Variants in GRM7 observed in about 807,000 individuals in gnomAD.
The protein encoded by GRM7 is glutamate metabotropic receptor 7, also known as metabotropic glutamate receptor 7.
In GRM7, 35 loss-of-function variants were observed where a neutral mutation model predicts 84.5. The ratio of observed to expected loss-of-function variants is 0.41; its 90% CI spans 0.32 to 0.55. The LOEUF (loss-of-function observed/expected upper bound fraction) is 0.55. GRM7 is among the 20% of genes least tolerant of loss of function. GRM7 has a pLI of 0.19. For missense variants in GRM7, 1,003 were observed against 1,194.6 expected, an observed-to-expected ratio of 0.84 and a Z score of 2.36; for synonymous variants, 487 against 455.1, an observed-to-expected ratio of 1.07 and a Z score of -0.89.
At chr3:7,624,669 T>G (rs945102248) in intron 8 of GRM7, among the ~76,000 whole-genome samples, 1 of 152,132 alleles carries the variant, frequency 6.6e-6, no homozygotes, top group African/African-American at 2.4e-5. Context: ...TTATGAAAAT[T>G]TAATAATATA....
At chr3:6,943,523 A>T (rs1009399049) in intron 1 of GRM7, among the ~76,000 whole-genome samples, 1 of 152,174 alleles carries the variant, frequency 6.6e-6, no homozygotes, top group East Asian at 1.9e-4. Context: ...AGGTCAATTT[A>T]TAGATTCTAT....
chr3:7,686,326 A>G (rs748167268), intron 9 of GRM7: 3 of 866,402 alleles, frequency 3.5e-6, no homozygotes, highest in African/African-American at 3.3e-5. Context: ...CATTTATTTT[A>G]TACATACCTA....
At chr3:7,717,563 C>T (rs939093157) in intron 9 of GRM7, among the ~76,000 whole-genome samples, 8 of 152,130 alleles carry the variant, frequency 5.3e-5, no homozygotes, top group Non-Finnish European at 8.8e-5. Context: ...ACCAGCTAAA[C>T]GGAAACCTGG....
chr3:7,139,809 A>G (rs934282045), intron 1 of GRM7, among the ~76,000 whole-genome samples: 5 of 152,160 alleles, frequency 3.3e-5, no homozygotes, highest in Admixed American at 3.3e-4. Flanking sequence ...AAAAGCAAAA[A>G]TAAATAAATG....
At chr3:7,307,418 A>T (rs1235245892) in intron 4 of GRM7, among the ~76,000 whole-genome samples, 1 of 152,214 alleles carries the variant, frequency 6.6e-6, no homozygotes, top group African/African-American at 2.4e-5. Flanking sequence ...CATGTCTCCA[A>T]AGATTCTCTA....
Position 6,862,656 on chromosome 3 carries a change from A to G in GRM7, c.519+749A>G, listed in dbSNP as rs942462701. 4 of 232,138 alleles carry G rather than the reference A, an allele frequency of 1.7e-5. No individual in the cohort carries two copies. In the Admixed American group the frequency reaches 2.3e-4, roughly 13 times the overall value. 14.4% of individuals were successfully genotyped at this position (232,138 alleles called of 1,614,324 possible). A position where few individuals can be genotyped will look rare whatever the true frequency, so the allele number is the denominator to read the frequency against. On this transcript the variant is annotated intron_variant, in intron 1 of 9. Transcript: ENST00000357716. The surrounding 1 kb of genome is among the most constrained non-coding windows in gnomAD (Gnocchi z 5.2). The stretch of plus-strand genomic sequence containing the variant: ...GGGCGATCAGCTTTCCACTCCTGCC[A>G]CTTCAGACCTCAGCCCAGGGATGAG...
intron 4 of GRM7, among the ~76,000 whole-genome samples, chr3:7,382,565 T>A (rs1173811053): frequency 6.6e-6 from 1 of 152,182 alleles, no homozygotes; most frequent in Non-Finnish European, 1.5e-5. Context: ...TTTTGTTCCC[T>A]CATGTTTGAG....
At chr3:7,731,492 C>T (rs1391759331) in intron 9 of GRM7, among the ~76,000 whole-genome samples, 1 of 152,188 alleles carries the variant, frequency 6.6e-6, no homozygotes, top group African/African-American at 2.4e-5. Flanking sequence ...TTGTCTTTCC[C>T]TTAATTATTG....
intron 4 of GRM7, among the ~76,000 whole-genome samples, chr3:7,411,681 C>A: frequency 6.6e-6 from 1 of 152,016 alleles, no homozygotes; most frequent in East Asian, 1.9e-4. Flanking sequence ...TTTTTGTGAA[C>A]AGCATTTTTT....
chr3:7,459,614 A>G (rs1698157630), intron 6 of GRM7, among the ~76,000 whole-genome samples: 3 of 152,102 alleles, frequency 2.0e-5, no homozygotes, highest in South Asian at 4.1e-4. Flanking sequence ...CCTTTTAAAG[A>G]CATCAGATCT....
At chr3:7,527,532 G>C (rs1318652019) in intron 7 of GRM7, among the ~76,000 whole-genome samples, 1 of 151,976 alleles carries the variant, frequency 6.6e-6, no homozygotes, top group East Asian at 1.9e-4. Flanking sequence ...TGTATTGCCT[G>C]ATGGCTCTGG....
At chr3:7,545,462 T>C (rs932781428) in intron 7 of GRM7, among the ~76,000 whole-genome samples, 1 of 152,222 alleles carries the variant, frequency 6.6e-6, no homozygotes, top group African/African-American at 2.4e-5. Context: ...TTCTGTCTCA[T>C]TACAGTGATT....
chr3:7,088,485 T>A (rs1468030496), intron 1 of GRM7, among the ~76,000 whole-genome samples: 1 of 151,332 alleles, frequency 6.6e-6, no homozygotes, highest in African/African-American at 2.4e-5. Flanking sequence ...TATCTAAATT[T>A]TTTTTTTCTT....
chr3:7,572,817 A>G (rs373793975), intron 7 of GRM7, among the ~76,000 whole-genome samples: 3 of 62,316 alleles, frequency 4.8e-5, no homozygotes, highest in African/African-American at 1.1e-4. Context: ...GTGAGACTCT[A>G]TCTCAAATAT....
intron 7 of GRM7, among the ~76,000 whole-genome samples, chr3:7,485,848 G>A (rs185050752): frequency 3.9e-5 from 6 of 152,208 alleles, no homozygotes; most frequent in Middle Eastern, 3.4e-3. Flanking sequence ...AATAATTCAT[G>A]TTCACAAACT....
chr3:6,973,835 G>A (rs970738047), intron 1 of GRM7, among the ~76,000 whole-genome samples: 1 of 152,202 alleles, frequency 6.6e-6, no homozygotes, highest in East Asian at 1.9e-4. Flanking sequence ...AGTTCACATG[G>A]GGCCTTAGCA....
At chr3:6,906,812 AG>A (rs879392899) in intron 1 of GRM7, among the ~76,000 whole-genome samples, 2 of 152,126 alleles carry the variant, frequency 1.3e-5, no homozygotes, top group Admixed American at 6.5e-5. Flanking sequence ...TTGAAAAAAA[AG>A]TTTCTCTAAA....
intron 1 of GRM7, among the ~76,000 whole-genome samples, chr3:7,136,330 C>A (rs543715125): frequency 2.6e-5 from 4 of 152,012 alleles, no homozygotes; most frequent in African/African-American, 9.6e-5. Flanking sequence ...AGGGCAGAAA[C>A]TGCCTCTTTA....
intron 9 of GRM7, among the ~76,000 whole-genome samples, chr3:7,738,722 T>TC (rs1356067942): frequency 6.8e-6 from 1 of 147,478 alleles, no homozygotes; most frequent in Non-Finnish European, 1.5e-5. Flanking sequence ...TTCTGGGTTT[T>TC]CTTTTTTTTT....
Sources: gnomAD v4.1 joint callset for allele counts (sites outside exome capture counted in the v4.1 genomes callset) on GRCh38, gnomAD v4.1.1 for gene constraint, Gnocchi (gnomAD v3.1) non-coding constraint, MANE v1.5 for transcripts, NCBI Gene and HGNC (gene_info 2026-07-23, HGNC 2026-07-21) for gene names.